Variants in APLP1 observed in about 807,000 individuals in gnomAD.
APLP1 encodes amyloid beta (A4) precursor-like protein 1.
In APLP1, 46 loss-of-function variants were observed where a neutral mutation model predicts 84.5. The ratio of observed to expected loss-of-function variants is 0.54; its 90% CI spans 0.43 to 0.70. The LOEUF is 0.70. Ranked by LOEUF, APLP1 falls within the 30% of genes least tolerant of loss-of-function variation. APLP1 has a pLI of 0.00. For synonymous variants in APLP1, 376 were observed against 364.0 expected (o/e 1.03, Z -0.38); for missense variants, 826 against 900.2 (o/e 0.92, Z 1.05).
intron 1 of APLP1, chr19:35,869,365 C>T (rs1466251997): frequency 7.0e-6 from 4 of 574,542 alleles, no homozygotes; most frequent in Non-Finnish European, 1.2e-5. Context: ...TCCTCCTCCG[C>T]GATTCAGGTT....
chr19:35,878,328 T>C (rs1974329434), intron 13 of APLP1, among the ~76,000 whole-genome samples: 2 of 152,120 alleles, frequency 1.3e-5, no homozygotes, highest in Non-Finnish European at 1.5e-5. Flanking sequence ...GGAGGATCCC[T>C]TGAGGCCACG....
chr19:35,879,322 T>C (rs1391818846), intron 16 of APLP1, 21 bp from the exon 17 acceptor site: 14 of 1,613,286 alleles, frequency 8.7e-6, no homozygotes, highest in Non-Finnish European at 1.1e-5. Flanking sequence ...CACTGTCCTT[T>C]CCCTCCCCTG....
At chr19:35,876,691 C>G (rs1011887089) in intron 11 of APLP1, 75 bp downstream of exon 11, 2 of 1,215,352 alleles carry the variant, frequency 1.6e-6, no homozygotes, top group Non-Finnish European at 2.3e-6. Flanking sequence ...TGGGCCCCCC[C>G]AATTTCATTT....
chr19:35,878,501 A>T, intron 13 of APLP1, 83 bp from the exon 14 acceptor site: 2 of 1,411,384 alleles, frequency 1.4e-6, no homozygotes, highest in Non-Finnish European at 1.0e-6. Flanking sequence ...AGCTGAGATC[A>T]TGCCACTGCA....
chr19:35,873,159 C>T (rs1265961127), intron 7 of APLP1, among the ~76,000 whole-genome samples: 1 of 151,816 alleles, frequency 6.6e-6, no homozygotes, highest in Non-Finnish European at 1.5e-5. Context: ...CACGCCTGGC[C>T]TCTCTTTCAC....
intron 2 of APLP1, chr19:35,870,061 G>C (rs1186633481): frequency 1.8e-6 from 1 of 548,816 alleles, no homozygotes; most frequent in Non-Finnish European, 3.2e-6. Flanking sequence ...GAGGTGTAGG[G>C]GGGAGTGGCG....
At chr19:35,871,439 G>A in intron 4 of APLP1, 90 bp downstream of exon 4, 1 of 1,361,700 alleles carries the variant, frequency 7.3e-7, no homozygotes. Context: ...AGGAGTCTGG[G>A]CCACCAGCAT....
intron 10 of APLP1, among the ~76,000 whole-genome samples, chr19:35,875,160 C>CTT (rs71167572): frequency 0.03 from 3,430 of 115,728 alleles, 257 homozygotes; most frequent in African/African-American, 0.11. Context: ...CCAGAATCGT[C>CTT]TTTTTTTTTT....
rs1200715834 is a variant in APLP1, at chr19:35,869,748, G to A, written c.229G>A (p.Asp77Asn). The A allele has an allele frequency of 6.2e-7, 1 of 1,609,712 alleles. No individual in the cohort carries two copies. Among genetic ancestry groups the A allele is most frequent in the Non-Finnish European group, 8.5e-7 (1 of 1,178,934 alleles). Residue 77 changes from aspartate (D) to asparagine (N), a missense_variant, in exon 2 of 17, where the codon GAC (aspartate) becomes AAC (asparagine). Asp to Asn is a conservative substitution (Grantham distance 23). Coordinates refer to ENST00000221891, the MANE Select transcript of APLP1 (RefSeq NM_001024807.3). ...RDLRTGRWEP[D>N]PQRSRRCLRD... Reference sequence around the variant, plus strand: ...CCTGCGCACCGGCCGCTGGGAACCAGACCCACAGCGCTCTCGACGCTGTCT... The same window carrying A: ...CCTGCGCACCGGCCGCTGGGAACCAAACCCACAGCGCTCTCGACGCTGTCT...
chr19:35,868,730 C>G lies in APLP1; in HGVS notation c.94C>G (p.Arg32Gly), dbSNP rs1448705123. Reference protein sequence around the residue: ...LLLPLLLLLLRAQPAIGSLAG... With the variant: ...LLLPLLLLLLGAQPAIGSLAG... Reference sequence around the variant, plus strand: ...GCTGCCACTATTGCTGCTGCTTCTGCGCGCGCAGCCCGCCATCGGGAGCCT... The same window carrying G: ...GCTGCCACTATTGCTGCTGCTTCTGGGCGCGCAGCCCGCCATCGGGAGCCT... Residue 32 changes from arginine to glycine, a missense_variant, in exon 1 of 17, where the codon CGC (arginine) becomes GGC (glycine). By Grantham distance (125) the Arg-to-Gly change is moderately radical. Around this residue, in one of 3 missense-constraint regions of APLP1, gnomAD observed 383 missense variants for 378.3 expected, o/e 1.01. Transcript: ENST00000221891. This position sits in a 1 kb window ranked among gnomAD's most constrained non-coding sequence, Gnocchi z 5.2. 2 of 1,393,076 alleles carry G rather than the reference C, an allele frequency of 1.4e-6. No individual in the cohort carries two copies. The highest frequency in any genetic ancestry group is 1.9e-6 in the Non-Finnish European group (2 of 1,077,732). The allele number at this position is 1,393,076 out of a possible 1,614,324, so 86.3% of individuals were successfully genotyped here.
chr19:35,874,166 C>G lies in APLP1; in HGVS notation c.1057-338C>G, dbSNP rs79375021. On this transcript the variant is annotated intron_variant, in intron 8 of 16. Transcript: ENST00000221891. This position sits in a 1 kb window ranked among gnomAD's most constrained non-coding sequence, Gnocchi z 6.4. ...GCTCTTTGTCCCACCCCTATCGTGT[C>G]ATTTATACACAGCCTGTCTCCAGTT... Among the ~76,000 whole-genome samples, 722 of 152,310 alleles carry G rather than the reference C, an allele frequency of 4.7e-3. 6 individuals are homozygous for G. The highest frequency in any genetic ancestry group is 0.017 in the African/African-American group (693 of 41,562).
Position 35,878,565 on chromosome 19 carries a change from A to G in APLP1, c.1580-19A>G. ...TGTCTAAAGAAAAAAAAAAAGAATG[A>G]GATCAGACTTGGGGGTAGGGTCCAC... On this transcript the variant is annotated intron_variant, in intron 13 of 16. Transcript: ENST00000221891. The G allele has an allele frequency of 6.2e-7, 1 of 1,610,494 alleles. No individual in the cohort carries two copies. Among genetic ancestry groups the G allele is most frequent in the East Asian group, 2.2e-5 (1 of 44,850 alleles).
At chr19:35,872,183 G>T in intron 6 of APLP1, 147 bp downstream of exon 6, 1 of 1,151,924 alleles carries the variant, frequency 8.7e-7, no homozygotes. Flanking sequence ...GGATAAAATA[G>T]AAGTAGAAGG....
intron 10 of APLP1, among the ~76,000 whole-genome samples, chr19:35,875,898 C>T (rs1291018574): frequency 6.7e-6 from 1 of 150,282 alleles, no homozygotes; most frequent in East Asian, 2.0e-4. Flanking sequence ...GGATTACAGG[C>T]GTGAGCCACC....
At position 35,869,000 on chromosome 19, in the gene APLP1, C is replaced by A; in HGVS notation, c.147+217C>A. The A allele has an allele frequency of 2.6e-6, 1 of 382,168 alleles. No homozygotes were observed. Among genetic ancestry groups the A allele is most frequent in the South Asian group, 1.0e-4 (1 of 9,842 alleles). 23.7% of individuals were successfully genotyped at this position (382,168 alleles called of 1,614,324 possible). ...TCCCATCTCGAGCATAGGAACTGGTCTATTCAGAGCCCCTGGTCCCAGAAG... is the reference window on the plus strand; with the variant it reads ...TCCCATCTCGAGCATAGGAACTGGTATATTCAGAGCCCCTGGTCCCAGAAG... On this transcript the variant is annotated intron_variant, in intron 1 of 16. Transcript: ENST00000221891. This position sits in a 1 kb window ranked among gnomAD's most constrained non-coding sequence, Gnocchi z 5.2.
At chr19:35,870,816 G>C in intron 2 of APLP1, 80 bp from the exon 3 acceptor site, 1 of 1,506,764 alleles carries the variant, frequency 6.6e-7, no homozygotes, top group Non-Finnish European at 8.9e-7. Flanking sequence ...GAAAGAAAGA[G>C]AAAAGGGACC....
rs115712630 is a variant in APLP1 at position 35,870,190 on chromosome 19, A to G, written c.291+380A>G. The G allele has an allele frequency of 5.7e-3, 1,505 of 266,316 alleles. 20 individuals are homozygous for G. The highest frequency in any genetic ancestry group is 0.031 in the African/African-American group (1,378 of 44,012). The allele number at this position is 266,316 out of a possible 1,614,324, so 16.5% of individuals were successfully genotyped here. A position where few individuals can be genotyped will look rare whatever the true frequency, so the allele number is the denominator to read the frequency against. Reference sequence around the variant, plus strand: ...GGCGTGGCCATGAAAAGACAAATTTATAACGGGAAGGGAGAGTTTTGGAGA... The same window carrying G: ...GGCGTGGCCATGAAAAGACAAATTTGTAACGGGAAGGGAGAGTTTTGGAGA... On this transcript the variant is annotated intron_variant, in intron 2 of 16. Coordinates refer to ENST00000221891, the MANE Select transcript of APLP1 (RefSeq NM_001024807.3).
In APLP1 at chr19:35,874,412, C is replaced by T. The variant is rs1974230111; in HGVS notation, c.1057-92C>T. ...AGGCCTGGACCCCTGGAACGCCCCC[C>T]AACCCCATGTAGCCCTGCCTTTCCA... On this transcript the variant is annotated intron_variant, in intron 8 of 16. Coordinates refer to ENST00000221891, the MANE Select transcript of APLP1 (RefSeq NM_001024807.3). This position sits in a 1 kb window ranked among gnomAD's most constrained non-coding sequence, Gnocchi z 6.4. 6.6e-7 allele frequency: 1 copy of T among 1,518,262 alleles called. No homozygotes were observed. Among genetic ancestry groups the T allele is most frequent in the Non-Finnish European group, 9.0e-7 (1 of 1,107,554 alleles). The allele number at this position is 1,518,262 out of a possible 1,614,324, so 94.0% of individuals were successfully genotyped here.
Position 35,868,842 on chromosome 19 carries a change from C to T in APLP1, c.147+59C>T. On this transcript the variant is annotated intron_variant, in intron 1 of 16. Coordinates refer to ENST00000221891, the MANE Select transcript of APLP1 (RefSeq NM_001024807.3). The surrounding 1 kb of genome is among the most constrained non-coding windows in gnomAD (Gnocchi z 5.2). ...AGGGGCGGGACCGGGTCTCTGGACG[C>T]CGGCGCGGACATGTCCAGGGCAGAA... is the stretch of plus-strand genomic sequence containing the variant. 2.4e-6 allele frequency: 3 copies of T among 1,246,972 alleles called. No individual in the cohort carries two copies. Among genetic ancestry groups the T allele is most frequent in the South Asian group, 5.5e-5 (2 of 36,620 alleles). 77.2% of individuals were successfully genotyped at this position (1,246,972 alleles called of 1,614,324 possible).
Sources: allele counts gnomAD v4.1 joint callset (sites outside exome capture counted in the v4.1 genomes callset), GRCh38; gene constraint gnomAD v4.1.1; regional missense constraint gnomAD v4.1.1; non-coding constraint Gnocchi (gnomAD v3.1); transcripts MANE v1.5; gene names NCBI Gene and HGNC (gene_info 2026-07-23, HGNC 2026-07-21).